Variants in SYNPO2 observed in about 807,000 individuals in gnomAD.
The protein encoded by SYNPO2 is synaptopodin 2.
Under a neutral mutation model 85.0 loss-of-function variants are expected in SYNPO2, and 56 were observed. That is an observed-to-expected ratio of 0.66 (90% CI 0.53 to 0.82). The LOEUF (loss-of-function observed/expected upper bound fraction) is 0.82, where lower values mean the gene tolerates loss of function less well. SYNPO2 is among the 40% of genes least tolerant of loss of function. The pLI, the probability that SYNPO2 is intolerant of heterozygous loss-of-function variation, is 0.00. For missense variants in SYNPO2, 1,575 were observed against 1,534.2 expected (o/e 1.03, Z -0.44); for synonymous variants, 602 against 591.1 (o/e 1.02, Z -0.27).
Position 119,027,427 on chromosome 4 carries a change from C to A in SYNPO2, c.1058C>A (p.Ala353Glu), listed in dbSNP as rs776284798. 5 of 1,594,350 alleles carry A rather than the reference C, an allele frequency of 3.1e-6. No homozygotes were observed. The South Asian group carries it at 5.6e-5, about 18-fold the overall frequency. The change falls in exon 3 of 5, where the codon GCG becomes GAG. Residue 353 changes from alanine to glutamate, a missense_variant. Ala to Glu is a moderately radical substitution (Grantham distance 107). This residue lies in a region of SYNPO2 where 1,508 missense variants were observed against 1,446.8 expected (regional missense o/e 1.04). Transcript: ENST00000307142. ...KDHSRPHKHRARHARLRRSES... is the reference protein window; with the variant it reads ...KDHSRPHKHRERHARLRRSES... ...CACAGCAGACCTCACAAGCACCGAG[C>A]GCGGCATGCACGTAAGTTCTGCCTG...
At chr4:118,947,719 C>A (rs559987601) in intron 1 of SYNPO2, among the ~76,000 whole-genome samples, 177 of 152,302 alleles carry the variant, frequency 1.2e-3, no homozygotes, top group African/African-American at 3.9e-3. Flanking sequence ...ACAATGAGAA[C>A]AACTTAAGAA....
intron 1 of SYNPO2, among the ~76,000 whole-genome samples, chr4:118,971,073 G>A (rs1048619091): frequency 6.6e-6 from 1 of 152,074 alleles, no homozygotes; most frequent in African/African-American, 2.4e-5. Flanking sequence ...CTAGTGAAAG[G>A]TCCCGTGAGC....
At chr4:119,057,057 T>C (rs1739229305) in intron 4 of SYNPO2, among the ~76,000 whole-genome samples, 2 of 152,058 alleles carry the variant, frequency 1.3e-5, no homozygotes, top group African/African-American at 2.4e-5. Context: ...GAAGGAAAGG[T>C]GGTTCCTAGT....
intron 4 of SYNPO2, among the ~76,000 whole-genome samples, chr4:119,050,203 G>A (rs1738992008): frequency 6.6e-6 from 1 of 151,898 alleles, no homozygotes; most frequent in Non-Finnish European, 1.5e-5. Context: ...ATAGTGGTAG[G>A]CACCTGTAAT....
chr4:118,873,457 G>A (rs932540948), intron 1 of SYNPO2, among the ~76,000 whole-genome samples: 1 of 152,052 alleles, frequency 6.6e-6, no homozygotes, highest in Non-Finnish European at 1.5e-5. Context: ...TATCAGTGAT[G>A]TGTAGCATTT....
chr4:119,002,319 G>A (rs1228904885), intron 1 of SYNPO2, among the ~76,000 whole-genome samples: 7 of 151,958 alleles, frequency 4.6e-5, no homozygotes, highest in African/African-American at 7.3e-5. Flanking sequence ...GGAGTGCAAC[G>A]GCGTGATCTC....
At chr4:118,973,709 A>T (rs1335337972) in intron 1 of SYNPO2, among the ~76,000 whole-genome samples, 1 of 152,114 alleles carries the variant, frequency 6.6e-6, no homozygotes, top group Non-Finnish European at 1.5e-5. Context: ...ACCCACCATA[A>T]ATAGCCACAT....
intron 1 of SYNPO2, among the ~76,000 whole-genome samples, chr4:118,861,436 G>T (rs1731609815): frequency 6.6e-6 from 1 of 152,104 alleles, no homozygotes; most frequent in African/African-American, 2.4e-5. Context: ...CTCCCAAAGT[G>T]CTGGGATTAC....
At chr4:118,943,314 C>T (rs889903405) in intron 1 of SYNPO2, among the ~76,000 whole-genome samples, 1 of 152,128 alleles carries the variant, frequency 6.6e-6, no homozygotes, top group African/African-American at 2.4e-5. Context: ...GAAAACATTG[C>T]AAGCTACAAG....
intron 1 of SYNPO2, among the ~76,000 whole-genome samples, chr4:119,021,471 A>G (rs1209839861): frequency 8.5e-6 from 1 of 118,200 alleles, no homozygotes; most frequent in Non-Finnish European, 2.0e-5. Context: ...ATAAAAAGGA[A>G]TAATGCTTGG....
intron 1 of SYNPO2, among the ~76,000 whole-genome samples, chr4:118,995,120 CA>C (rs1199168457): frequency 6.6e-6 from 1 of 152,042 alleles, no homozygotes; most frequent in Non-Finnish European, 1.5e-5. Context: ...ATCTAAGTGC[CA>C]TGAACACTCA....
At chr4:118,995,753 C>T (rs1440089093) in intron 1 of SYNPO2, among the ~76,000 whole-genome samples, 2 of 152,104 alleles carry the variant, frequency 1.3e-5, no homozygotes, top group South Asian at 2.1e-4. Context: ...TAAAATTGAA[C>T]ATGTGGCTTA....
chr4:118,940,412 A>T (rs1734267040), intron 1 of SYNPO2, among the ~76,000 whole-genome samples: 1 of 152,198 alleles, frequency 6.6e-6, no homozygotes, highest in Admixed American at 6.5e-5. Context: ...AAACATTAGA[A>T]TTACTTCTGA....
chr4:118,865,463 C>T (rs947889887), intron 1 of SYNPO2, among the ~76,000 whole-genome samples: 1 of 152,132 alleles, frequency 6.6e-6, no homozygotes, highest in Non-Finnish European at 1.5e-5. Context: ...TCTTGTGGAG[C>T]ATATTTAGTG....
chr4:118,878,393 GAA>G (rs1482220938), intron 1 of SYNPO2, among the ~76,000 whole-genome samples: 7 of 152,208 alleles, frequency 4.6e-5, no homozygotes, highest in Admixed American at 4.6e-4. Context: ...AAAACAAAAA[GAA>G]TATTATTTTA....
rs140832464 is a variant in SYNPO2, at chr4:119,057,708, A to G, written c.3560A>G (p.Gln1187Arg). The change falls in exon 5 of 5, where the codon CAG becomes CGG. Residue 1187 changes from glutamine to arginine, a missense_variant. Physicochemically the swap from Gln to Arg is conservative, Grantham distance 43 (BLOSUM62 1). Transcript: ENST00000307142. Reference sequence around the variant, plus strand: ...AGACTGTCCTATATTCCTCAAACCCAGAAGGCCTATATGGGCTCATGTGGA... The same window carrying G: ...AGACTGTCCTATATTCCTCAAACCCGGAAGGCCTATATGGGCTCATGTGGA... ...NERLSYIPQT[Q>R]KAYMGSCGRQ... 5.6e-6 allele frequency: 9 copies of G among 1,614,194 alleles called. No homozygotes were observed. Among genetic ancestry groups the G allele is most frequent in the Admixed American group, 1.7e-5 (1 of 60,026 alleles).
At chr4:118,986,495 G>A (rs1463112547) in intron 1 of SYNPO2, among the ~76,000 whole-genome samples, 1 of 152,200 alleles carries the variant, frequency 6.6e-6, no homozygotes, top group African/African-American at 2.4e-5. Flanking sequence ...GGTTTTCAAA[G>A]TAGCCCCGAA....
chr4:118,912,002 G>A (rs1186136766), intron 1 of SYNPO2, among the ~76,000 whole-genome samples: 2 of 152,098 alleles, frequency 1.3e-5, no homozygotes, highest in Non-Finnish European at 2.9e-5. Flanking sequence ...AAGCATTAAT[G>A]GGCTCATAAA....
chr4:118,869,307 G>C (rs1363929896), intron 1 of SYNPO2, among the ~76,000 whole-genome samples: 1 of 152,024 alleles, frequency 6.6e-6, no homozygotes, highest in Non-Finnish European at 1.5e-5. Flanking sequence ...ATCCTGCCTT[G>C]GCCTCCCAAA....
Sources: gnomAD v4.1 joint callset for allele counts (sites outside exome capture counted in the v4.1 genomes callset) on GRCh38, gnomAD v4.1.1 for gene constraint, gnomAD v4.1.1 regional missense constraint, MANE v1.5 for transcripts, NCBI Gene and HGNC (gene_info 2026-07-23, HGNC 2026-07-21) for gene names.